The following CSGALNACT1 variants were observed in gnomAD, a reference collection of about 807,000 sequenced individuals.
The protein encoded by CSGALNACT1 is beta4GalNAcT-1.
Under a neutral mutation model 51.0 loss-of-function variants are expected in CSGALNACT1, and 52 were observed. The ratio of observed to expected loss-of-function variants is 1.02; its 90% CI spans 0.82 to 1.29. The LOEUF (loss-of-function observed/expected upper bound fraction) is 1.29, where lower values mean the gene tolerates loss of function less well. CSGALNACT1 is among the 50% of genes most tolerant of loss of function. CSGALNACT1 has a pLI of 0.00. For synonymous variants in CSGALNACT1, 341 were observed against 254.4 expected, an observed-to-expected ratio of 1.34 and a Z score of -3.24; for missense variants, 935 against 679.2, an observed-to-expected ratio of 1.38 and a Z score of -4.19.
At chr8:19,415,092 T>A (rs930738816) in intron 8 of CSGALNACT1, among the ~76,000 whole-genome samples, 1 of 152,218 alleles carries the variant, frequency 6.6e-6, no homozygotes. Context: ...CTTGCCTCTG[T>A]ACTGATAGAA....
intron 3 of CSGALNACT1, among the ~76,000 whole-genome samples, chr8:19,534,595 G>C (rs987352486): frequency 6.6e-6 from 1 of 152,126 alleles, no homozygotes; most frequent in African/African-American, 2.4e-5. Context: ...GTACCATTCA[G>C]CCAGGGGCCA....
At chr8:19,566,090 T>C (rs2041853180) in intron 3 of CSGALNACT1, among the ~76,000 whole-genome samples, 1 of 152,212 alleles carries the variant, frequency 6.6e-6, no homozygotes, top group African/African-American at 2.4e-5. Context: ...TTGTCTTCTA[T>C]GGCAAAAAGA....
intron 4 of CSGALNACT1, among the ~76,000 whole-genome samples, chr8:19,482,076 C>T (rs879310657): frequency 1.3e-5 from 2 of 152,128 alleles, no homozygotes; most frequent in African/African-American, 2.4e-5. Flanking sequence ...ACACACACAG[C>T]CCTACTCCTG....
chr8:19,566,044 A>G (rs1019731135), intron 3 of CSGALNACT1, among the ~76,000 whole-genome samples: 2 of 152,242 alleles, frequency 1.3e-5, no homozygotes, highest in Admixed American at 1.3e-4. Context: ...GGTGGCCTCG[A>G]AAAAGATGTA....
At chr8:19,551,135 A>G (rs1418208244) in intron 3 of CSGALNACT1, among the ~76,000 whole-genome samples, 1 of 146,274 alleles carries the variant, frequency 6.8e-6, no homozygotes, top group Non-Finnish European at 1.5e-5. Context: ...ACAATGAAGA[A>G]AAAAACAACT....
At chr8:19,622,295 G>T (rs929434965) in intron 1 of CSGALNACT1, among the ~76,000 whole-genome samples, 7 of 152,298 alleles carry the variant, frequency 4.6e-5, no homozygotes, top group African/African-American at 1.4e-4. Flanking sequence ...AGGTTGAGAT[G>T]TAATTCCAAG....
intron 1 of CSGALNACT1, among the ~76,000 whole-genome samples, chr8:19,612,946 G>GAA (rs1165754811): frequency 0.066 from 1,021 of 15,396 alleles, 416 homozygotes; most frequent in Middle Eastern, 0.5. Context: ...AAAGCAGCTG[G>GAA]AAAAAAAAAA....
At chr8:19,704,247 A>G (rs948929519) in intron 1 of CSGALNACT1, among the ~76,000 whole-genome samples, 1 of 152,356 alleles carries the variant, frequency 6.6e-6, no homozygotes, top group African/African-American at 2.4e-5. Flanking sequence ...GAAAGGTAAC[A>G]GGGCATTTGA....
chr8:19,678,763 A>G (rs1589460103), intron 1 of CSGALNACT1: 1 of 152,192 alleles, frequency 6.6e-6, no homozygotes, highest in East Asian at 1.9e-4. Context: ...CATGAAACAG[A>G]TTCGTCTGGA....
intron 8 of CSGALNACT1, 137 bp downstream of exon 7, chr8:19,418,519 C>A (rs1046452043): frequency 3.6e-5 from 26 of 719,320 alleles, no homozygotes; most frequent in Non-Finnish European, 6.2e-5. Flanking sequence ...CAGAGGCCAG[C>A]ACATCTGCCA....
intron 3 of CSGALNACT1, among the ~76,000 whole-genome samples, chr8:19,555,981 C>G (rs11988991): frequency 0.29 from 44,042 of 151,970 alleles, 7,181 homozygotes; most frequent in African/African-American, 0.46. Context: ...CATCAGGAAC[C>G]GGCATTCTGT....
intron 9 of CSGALNACT1, among the ~76,000 whole-genome samples, chr8:19,408,345 T>G (rs1471877625): frequency 6.6e-6 from 1 of 151,920 alleles, no homozygotes; most frequent in Non-Finnish European, 1.5e-5. Context: ...GTGATTCTCT[T>G]TAGGAGAATC....
At chr8:19,456,278 T>G (rs1015891859) in intron 5 of CSGALNACT1, among the ~76,000 whole-genome samples, 4 of 152,190 alleles carry the variant, frequency 2.6e-5, no homozygotes, top group South Asian at 2.1e-4. Flanking sequence ...TGAGGACTTG[T>G]CCTTTCACCG....
intron 1 of CSGALNACT1, among the ~76,000 whole-genome samples, chr8:19,679,945 G>A (rs1445306516): frequency 1.3e-5 from 2 of 152,198 alleles, no homozygotes; most frequent in Non-Finnish European, 2.9e-5. Context: ...CCGGCTTAGA[G>A]TAGATTCAAT....
At position 19,693,811 on chromosome 8, in the gene CSGALNACT1, T is replaced by C. The variant is rs564928348; in HGVS notation, c.-297+64039A>G. 7.9e-5 allele frequency among the ~76,000 whole-genome samples: 12 copies of C among 152,270 alleles called. No homozygotes were observed. In the East Asian group the frequency reaches 1.5e-3, roughly 20 times the overall value. The stretch of plus-strand genomic sequence containing the variant: ...CCACTGGTATCTGCTACCTTCCCCT[T>C]CTTGAATTCGGTAACTATTAGGTTG... On this transcript the variant is annotated intron_variant, in intron 1 of 1. Coordinates refer to the CSGALNACT1 transcript ENST00000517494.
intron 3 of CSGALNACT1, among the ~76,000 whole-genome samples, chr8:19,519,168 C>T (rs897977509): frequency 6.6e-6 from 1 of 152,134 alleles, no homozygotes; most frequent in Non-Finnish European, 1.5e-5. Context: ...AGGTAGTGAC[C>T]TAGTCCTCTC....
At chr8:19,637,498 C>T (rs935379167) in intron 1 of CSGALNACT1, among the ~76,000 whole-genome samples, 3 of 152,084 alleles carry the variant, frequency 2.0e-5, no homozygotes, top group Non-Finnish European at 2.9e-5. Flanking sequence ...GATTATTCCC[C>T]CCGAAGGCTG....
chr8:19,550,916 A>C (rs182490248), intron 3 of CSGALNACT1, among the ~76,000 whole-genome samples: 9 of 152,272 alleles, frequency 5.9e-5, no homozygotes, highest in African/African-American at 1.9e-4. Context: ...TCCAAGTCCA[A>C]GGCTTCTGGA....
At chr8:19,513,857 T>C (rs1310290356) in intron 3 of CSGALNACT1, among the ~76,000 whole-genome samples, 1 of 152,126 alleles carries the variant, frequency 6.6e-6, no homozygotes, top group Non-Finnish European at 1.5e-5. Flanking sequence ...AGTATTATAA[T>C]TATAGAACCA....
Sources: gnomAD v4.1 joint callset for allele counts (sites outside exome capture counted in the v4.1 genomes callset) on GRCh38, gnomAD v4.1.1 for gene constraint, MANE v1.5 for transcripts, NCBI Gene and HGNC (gene_info 2026-07-23, HGNC 2026-07-21) for gene names.